The following F13A1 variants were observed in gnomAD, a reference collection of about 807,000 sequenced individuals.
F13A1 encodes the protein coagulation factor XIII A chain, also known as FSF, A subunit.
F13A1 carries 47 observed loss-of-function variants against 80.1 expected under a neutral mutation model. The ratio of observed to expected loss-of-function variants is 0.59; its 90% confidence interval spans 0.46 to 0.75. The LOEUF is 0.75. F13A1 is among the 30% of genes least tolerant of loss of function. The pLI is 0.00. For synonymous variants in F13A1, 349 were observed against 344.9 expected, an observed-to-expected ratio of 1.01 and a Z score of -0.13; for missense variants, 817 against 930.4, an observed-to-expected ratio of 0.88 and a Z score of 1.59.
chr6:6,254,477 C>T (rs567306580), intron 4 of F13A1, among the ~76,000 whole-genome samples: 47 of 152,170 alleles, frequency 3.1e-4, no homozygotes, highest in East Asian at 5.8e-4. Flanking sequence ...ATATAGAAAA[C>T]GCTCCAAGAT....
chr6:6,217,320 C>G (rs1284391962), intron 8 of F13A1, among the ~76,000 whole-genome samples: 2 of 151,552 alleles, frequency 1.3e-5, no homozygotes, highest in African/African-American at 4.9e-5. Context: ...ATATGTGGCA[C>G]ATATACACCA....
intron 3 of F13A1, among the ~76,000 whole-genome samples, chr6:6,301,933 G>A (rs968770353): frequency 1.2e-4 from 18 of 152,228 alleles, no homozygotes; most frequent in African/African-American, 4.3e-4. Flanking sequence ...CTGCACTGCA[G>A]TTCAACTCCT....
intron 2 of F13A1, among the ~76,000 whole-genome samples, chr6:6,307,790 A>T (rs987154494): frequency 6.6e-6 from 1 of 152,092 alleles, no homozygotes; most frequent in Non-Finnish European, 1.5e-5. Context: ...TCATTTTTTC[A>T]TAGGGCAAAC....
chr6:6,302,815 T>C (rs1758453051), intron 3 of F13A1, among the ~76,000 whole-genome samples: 1 of 152,246 alleles, frequency 6.6e-6, no homozygotes, highest in Non-Finnish European at 1.5e-5. Flanking sequence ...TGATCTGTCA[T>C]TGACTGAAAT....
chr6:6,305,566 A>G, intron 2 of F13A1, 27 bp from the exon 3 acceptor site: 1 of 1,610,508 alleles, frequency 6.2e-7, no homozygotes, highest in Non-Finnish European at 8.5e-7. Flanking sequence ...CAAGGGTTGA[A>G]GAAAATAATC....
chr6:6,234,543 G>T (rs566332379), intron 6 of F13A1, among the ~76,000 whole-genome samples: 42 of 152,052 alleles, frequency 2.8e-4, no homozygotes, highest in African/African-American at 9.9e-4. Flanking sequence ...TACAGTTACA[G>T]ATGAATTTTA....
intron 13 of F13A1, among the ~76,000 whole-genome samples, chr6:6,161,933 T>A (rs1209148407): frequency 6.6e-6 from 1 of 152,188 alleles, no homozygotes; most frequent in Non-Finnish European, 1.5e-5. Context: ...TGTTCCAGAT[T>A]GGCCTAGATT....
rs1373350909 is a variant in F13A1 at position 6,286,150 on chromosome 6, CACTTTCAGATGGATT to C, written c.319+19186_319+19200del. 5.9e-5 allele frequency among the ~76,000 whole-genome samples: 9 copies of C among 152,372 alleles called. No homozygotes were observed. In the East Asian group the frequency reaches 1.7e-3, roughly 29 times the overall value. On this transcript the variant is annotated intron_variant, in intron 3 of 14. Coordinates refer to ENST00000264870, the MANE Select transcript of F13A1 (RefSeq NM_000129.4). ...CGGTGGCTCATGCCTGTCATCTCAG[CACTTTCAGATGGATT>C]ATTTGAGGTAAGGAGTTTGAGACCA...
chr6:6,212,757 A>G (rs550449014), intron 8 of F13A1, among the ~76,000 whole-genome samples: 30 of 152,306 alleles, frequency 2.0e-4, no homozygotes, highest in Admixed American at 8.5e-4. Flanking sequence ...TTCAAACCAA[A>G]GGCAAAGAAG....
intron 13 of F13A1, among the ~76,000 whole-genome samples, chr6:6,165,411 C>T (rs1018256519): frequency 1.5e-4 from 23 of 152,186 alleles, no homozygotes; most frequent in Admixed American, 6.5e-5. Context: ...TTCCTTCATA[C>T]ATCCGGTTTA....
chr6:6,189,417 TG>T (rs1761139434), intron 10 of F13A1, among the ~76,000 whole-genome samples: 1 of 114,326 alleles, frequency 8.7e-6, no homozygotes, highest in African/African-American at 3.0e-5. Flanking sequence ...AGGGCAGGCC[TG>T]GTGGTGACAA....
At chr6:6,145,961 A>G (rs567992643) in intron 14 of F13A1, among the ~76,000 whole-genome samples, 189 bp from the exon 15 acceptor site, 7 of 152,266 alleles carry the variant, frequency 4.6e-5, no homozygotes, top group African/African-American at 1.7e-4. Context: ...GCTCTGCAGA[A>G]CCTGTCACTG....
At chr6:6,299,598 A>G (rs957434094) in intron 3 of F13A1, among the ~76,000 whole-genome samples, 16 of 139,892 alleles carry the variant, frequency 1.1e-4, no homozygotes, top group Non-Finnish European at 1.9e-4. Context: ...TTTCAGCTCC[A>G]TCAGCTCCTT....
At chr6:6,161,557 A>T (rs558369343) in intron 13 of F13A1, among the ~76,000 whole-genome samples, 16,441 of 119,602 alleles carry the variant, frequency 0.14, 1,294 homozygotes, top group African/African-American at 0.27. Flanking sequence ...TGTGTGAGAG[A>T]GAGAGAGAGA....
At chr6:6,196,982 G>A (rs1761302739) in intron 9 of F13A1, among the ~76,000 whole-genome samples, 1 of 152,166 alleles carries the variant, frequency 6.6e-6, no homozygotes, top group South Asian at 2.1e-4. Flanking sequence ...AAGCAAGAAT[G>A]GATGAATTAT....
intron 3 of F13A1, among the ~76,000 whole-genome samples, chr6:6,299,640 A>G (rs976781331): frequency 6.5e-5 from 9 of 139,490 alleles, no homozygotes; most frequent in Non-Finnish European, 1.1e-4. Context: ...TATTCTAGTT[A>G]TACATTCTTC....
chr6:6,227,732 CAGAT>C (rs1180634768), intron 6 of F13A1, among the ~76,000 whole-genome samples: 2 of 152,044 alleles, frequency 1.3e-5, no homozygotes. Flanking sequence ...GATTTTCAAA[CAGAT>C]AGCCATTAAT....
chr6:6,189,673 A>C (rs970093971), intron 10 of F13A1, among the ~76,000 whole-genome samples: 26 of 143,774 alleles, frequency 1.8e-4, no homozygotes, highest in East Asian at 6.1e-4. Context: ...CCTTCATTTC[A>C]ACTTTGGTGA....
intron 3 of F13A1, among the ~76,000 whole-genome samples, chr6:6,294,524 TCACACACA>T (rs142401119): frequency 6.7e-6 from 1 of 148,552 alleles, no homozygotes; most frequent in African/African-American, 2.5e-5. Context: ...CACACAACAC[TCACACACA>T]CACACACACA....
Sources: gnomAD v4.1 joint callset for allele counts (sites outside exome capture counted in the v4.1 genomes callset) on GRCh38, gnomAD v4.1.1 for gene constraint, MANE v1.5 for transcripts, NCBI Gene and HGNC (gene_info 2026-07-23, HGNC 2026-07-21) for gene names.